MIA2: variants seen among roughly 807,000 people sequenced by gnomAD.
MIA2 encodes melanoma inhibitory activity protein 2.
MIA2 carries 127 observed loss-of-function variants against 167.8 expected under a neutral mutation model. The observed-to-expected ratio is 0.76, with a 90% CI of 0.66 to 0.88. The LOEUF is 0.88. Among genes scored for constraint, MIA2 ranks in the 40% least tolerant of loss-of-function variants. MIA2 has a pLI of 0.00. For missense variants in MIA2, 1,690 were observed against 1,624.7 expected (o/e 1.04, Z -0.69); for synonymous variants, 552 against 541.9 (o/e 1.02, Z -0.26).
At chr14:39,308,614 G>T in intron 18 of MIA2, 27 bp downstream of exon 18, 2 of 1,488,418 alleles carry the variant, frequency 1.3e-6, no homozygotes, top group South Asian at 1.3e-5. Flanking sequence ...TAACTCCATT[G>T]AACAGCAAGT....
intron 23 of MIA2, among the ~76,000 whole-genome samples, chr14:39,380,493 G>A (rs988211696): frequency 3.3e-5 from 5 of 151,698 alleles, no homozygotes; most frequent in Non-Finnish European, 5.9e-5. Flanking sequence ...AAGAGATAGA[G>A]AGCATCCTGG....
At chr14:39,362,766 T>C (rs950913704) in intron 23 of MIA2, among the ~76,000 whole-genome samples, 1 of 152,142 alleles carries the variant, frequency 6.6e-6, no homozygotes, top group African/African-American at 2.4e-5. Flanking sequence ...TGAGGTGCAT[T>C]GTTAGATTGT....
intron 18 of MIA2, among the ~76,000 whole-genome samples, chr14:39,311,469 T>A (rs1647969563): frequency 3.3e-5 from 1 of 30,098 alleles, no homozygotes; most frequent in African/African-American, 9.0e-5. Context: ...TGTGTTGCTT[T>A]TTTTTTTTTT....
intron 23 of MIA2, among the ~76,000 whole-genome samples, chr14:39,380,898 T>C (rs1430110527): frequency 6.6e-6 from 1 of 152,000 alleles, no homozygotes; most frequent in Non-Finnish European, 1.5e-5. Flanking sequence ...CCGAAGAGAC[T>C]AGGCCATGTA....
intron 6 of MIA2, among the ~76,000 whole-genome samples, chr14:39,268,032 G>A (rs919529871): frequency 7.4e-5 from 11 of 149,202 alleles, no homozygotes; most frequent in African/African-American, 2.7e-4. Context: ...GCTCTACCAT[G>A]AGTGAGATTG....
At chr14:39,321,196 GA>G in intron 24 of MIA2, 140 bp downstream of exon 24, 1 of 754,000 alleles carries the variant, frequency 1.3e-6, no homozygotes, top group Non-Finnish European at 2.1e-6. Flanking sequence ...CTTTTATTTG[GA>G]AAAGGAGCTC....
At chr14:39,309,854 G>A (rs1231693691) in intron 18 of MIA2, among the ~76,000 whole-genome samples, 2 of 151,984 alleles carry the variant, frequency 1.3e-5, no homozygotes. Context: ...GAGTGTGTGT[G>A]TGTACATGCT....
intron 25 of MIA2, among the ~76,000 whole-genome samples, chr14:39,343,795 ATGTGTATATGTGCATATGAGGGTG>A (rs1348454937): frequency 3.9e-5 from 6 of 152,146 alleles, no homozygotes; most frequent in Admixed American, 2.0e-4. Context: ...GTATATGTGT[ATGTGTATATGTGCATATGAGGGTG>A]TGTGTATATG....
chr14:39,243,269 A>G (rs1025710557), intron 3 of MIA2, among the ~76,000 whole-genome samples: 1 of 152,132 alleles, frequency 6.6e-6, no homozygotes, highest in Non-Finnish European at 1.5e-5. Context: ...TGTCTTTAAT[A>G]GAGAGAGAGG....
Position 39,321,035 on chromosome 14 carries a change from C to A in MIA2, c.3475C>A (p.Leu1159Ile), listed in dbSNP as rs567751705. The change falls in exon 24 of 29, where the codon CTT becomes ATT. Residue 1159 changes from leucine (L) to isoleucine (I), a missense_variant. By Grantham distance (5) the Leu-to-Ile change is conservative. Transcript: ENST00000640607. The stretch of plus-strand genomic sequence containing the variant: ...GGGTCCACTCAGACTCTCACCTTTG[C>A]TTCCAGGGGGAGGAGGAAGAGGTAT... Reference protein sequence around the residue: ...LEGPLRLSPLLPGGGGRGSRG... With the variant: ...LEGPLRLSPLIPGGGGRGSRG... The A allele has an allele frequency of 5.6e-6, 9 of 1,613,184 alleles. No individual in the cohort carries two copies. The African/African-American group carries it at 1.1e-4, about 19-fold the overall frequency.
intron 23 of MIA2, among the ~76,000 whole-genome samples, chr14:39,366,328 T>G (rs1165947762): frequency 6.6e-6 from 1 of 152,094 alleles, no homozygotes; most frequent in Non-Finnish European, 1.5e-5. Flanking sequence ...CTTTGTTGGG[T>G]GCTGGTAGTT....
chr14:39,249,203 C>T (rs2054447129), intron 4 of MIA2, among the ~76,000 whole-genome samples: 1 of 152,102 alleles, frequency 6.6e-6, no homozygotes, highest in African/African-American at 2.4e-5. Flanking sequence ...TGCAGTGGTG[C>T]GATCACAGTT....
intron 26 of MIA2, 79 bp downstream of exon 26, chr14:39,346,105 T>C: frequency 8.3e-7 from 1 of 1,201,716 alleles, no homozygotes; most frequent in Non-Finnish European, 1.2e-6. Context: ...TAAAGACCAA[T>C]ATAATTGCTA....
chr14:39,292,243 A>G (rs1214384126), intron 10 of MIA2, among the ~76,000 whole-genome samples: 3 of 152,224 alleles, frequency 2.0e-5, no homozygotes, highest in Non-Finnish European at 4.4e-5. Flanking sequence ...AGAAGAGCAA[A>G]AAGTAGGTAG....
At chr14:39,325,780 C>A (rs930421250) in intron 24 of MIA2, among the ~76,000 whole-genome samples, 2 of 151,584 alleles carry the variant, frequency 1.3e-5, no homozygotes, top group African/African-American at 4.9e-5. Flanking sequence ...GTGGCACGAT[C>A]TTGGCTCACT....
intron 6 of MIA2, among the ~76,000 whole-genome samples, chr14:39,259,156 G>A (rs576170573): frequency 6.6e-5 from 10 of 152,352 alleles, no homozygotes; most frequent in Non-Finnish European, 1.2e-4. Context: ...CTTTAGAGCC[G>A]GCAGGCAGGA....
intron 25 of MIA2, among the ~76,000 whole-genome samples, chr14:39,344,459 G>A (rs930703828): frequency 2.6e-5 from 4 of 152,134 alleles, no homozygotes; most frequent in African/African-American, 9.7e-5. Context: ...ATTTTGAAAG[G>A]GAGTGTAAAT....
In MIA2 at chr14:39,359,607, A is replaced by G. The variant is rs573063969; in HGVS notation, c.2248+10630A>G. Among the ~76,000 whole-genome samples, 7 of 152,158 alleles carry G rather than the reference A, an allele frequency of 4.6e-5. No homozygotes were observed. In the East Asian group the frequency reaches 1.4e-3, roughly 29 times the overall value. On this transcript the variant is annotated intron_variant, in intron 23 of 23. Transcript: ENST00000341502. ...CCAGTGAGATGAACCCGGTACCTCT[A>G]TTGGAAATGCAGAAATCACCTGTCT...
chr14:39,333,301 A>G (rs2069375203), intron 25 of MIA2, among the ~76,000 whole-genome samples: 2 of 152,280 alleles, frequency 1.3e-5, no homozygotes, highest in South Asian at 2.1e-4. Context: ...GTAGAAGACC[A>G]TTAACTTGGA....
Sources: allele counts gnomAD v4.1 joint callset (sites outside exome capture counted in the v4.1 genomes callset), GRCh38; gene constraint gnomAD v4.1.1; transcripts MANE v1.5; gene names NCBI Gene and HGNC (gene_info 2026-07-23, HGNC 2026-07-21).